OSBPL9: variants seen among roughly 807,000 people sequenced by gnomAD.
OSBPL9 encodes oxysterol-binding protein-related protein 9.
In OSBPL9, 40 loss-of-function variants were observed where a neutral mutation model predicts 106.6. That is an observed-to-expected ratio of 0.38 (90% CI 0.29 to 0.49). OSBPL9 has a LOEUF of 0.49. Among genes scored for constraint, OSBPL9 ranks in the 20% least tolerant of loss-of-function variants. The pLI is 0.97. For synonymous variants in OSBPL9, 269 were observed against 295.4 expected, an observed-to-expected ratio of 0.91 and a Z score of 0.92; for missense variants, 609 against 887.2, an observed-to-expected ratio of 0.69 and a Z score of 3.98.
intron 4 of OSBPL9, among the ~76,000 whole-genome samples, chr1:51,727,240 A>G (rs986270887): frequency 1.3e-5 from 2 of 152,028 alleles, no homozygotes; most frequent in Non-Finnish European, 2.9e-5. Flanking sequence ...ATTAAAGGAA[A>G]ATTTAAAAGA....
At chr1:51,685,586 C>T (rs548155445) in intron 3 of OSBPL9, among the ~76,000 whole-genome samples, 3 of 152,166 alleles carry the variant, frequency 2.0e-5, no homozygotes, top group South Asian at 2.1e-4. Flanking sequence ...TTTGTAGAGA[C>T]GAGGTTTTGC....
the OSBPL9 span, among the ~76,000 whole-genome samples, chr1:51,540,991 C>T: frequency 2.0e-5 from 3 of 149,892 alleles, no homozygotes; most frequent in Non-Finnish European, 4.4e-5. Context: ...ATTACTCAGG[C>T]ATGGTGGCGC....
intron 4 of OSBPL9, among the ~76,000 whole-genome samples, chr1:51,740,827 T>C (rs1000056451): frequency 1.3e-5 from 2 of 152,196 alleles, no homozygotes; most frequent in African/African-American, 4.8e-5. Context: ...ACTCAAGAAC[T>C]TCACCTTTAT....
chr1:51,553,460 G>C, the OSBPL9 span, among the ~76,000 whole-genome samples: 1 of 152,026 alleles, frequency 6.6e-6, no homozygotes, highest in African/African-American at 2.4e-5. Context: ...TCTGTAGTGA[G>C]CTGTATTCTC....
At chr1:51,656,417 A>T (rs374187046) in intron 2 of OSBPL9, among the ~76,000 whole-genome samples, 37 of 152,102 alleles carry the variant, frequency 2.4e-4, no homozygotes, top group African/African-American at 8.7e-4. Flanking sequence ...TTTGAATCAC[A>T]CTATGTTTCT....
At chr1:51,747,119 G>A (rs1668148638) in intron 6 of OSBPL9, among the ~76,000 whole-genome samples, 1 of 152,074 alleles carries the variant, frequency 6.6e-6, no homozygotes, top group African/African-American at 2.4e-5. Context: ...ACAGGCATGT[G>A]CCACACCTGG....
At chr1:51,642,087 A>G (rs1645836932) in intron 1 of OSBPL9, among the ~76,000 whole-genome samples, 1 of 152,110 alleles carries the variant, frequency 6.6e-6, no homozygotes, top group Non-Finnish European at 1.5e-5. Flanking sequence ...TGTGAAGTTT[A>G]ATTTGTCTTT....
chr1:51,704,929 A>G (rs938022120), intron 3 of OSBPL9, among the ~76,000 whole-genome samples: 2 of 151,978 alleles, frequency 1.3e-5, no homozygotes, highest in Admixed American at 6.5e-5. Flanking sequence ...GAGTGTTGCT[A>G]CCTCCTTAAT....
At chr1:51,762,560 A>G (rs996556131) in intron 11 of OSBPL9, among the ~76,000 whole-genome samples, 5 of 152,234 alleles carry the variant, frequency 3.3e-5, no homozygotes, top group African/African-American at 1.2e-4. Context: ...AATTTACTCC[A>G]GCTAGACTTG....
At chr1:51,739,349 A>G (rs1355264977) in intron 4 of OSBPL9, among the ~76,000 whole-genome samples, 1 of 151,990 alleles carries the variant, frequency 6.6e-6, no homozygotes, top group Non-Finnish European at 1.5e-5. Flanking sequence ...GAAAGCTTGT[A>G]AAGTGTCTAG....
chr1:51,694,104 T>C (rs1655544465), intron 3 of OSBPL9, among the ~76,000 whole-genome samples: 2 of 152,228 alleles, frequency 1.3e-5, no homozygotes, highest in African/African-American at 2.4e-5. Context: ...TTTAATGTTA[T>C]TTAAGGACTT....
chr1:51,572,394 T>C (rs898585293), upstream of OSBPL9, among the ~76,000 whole-genome samples: 4 of 152,104 alleles, frequency 2.6e-5, no homozygotes, highest in Non-Finnish European at 5.9e-5. Flanking sequence ...CCATCTAGTA[T>C]TGAAGCTCAG....
chr1:51,655,072 A>G (rs1268271255), intron 2 of OSBPL9, among the ~76,000 whole-genome samples: 1 of 152,224 alleles, frequency 6.6e-6, no homozygotes, highest in Non-Finnish European at 1.5e-5. Context: ...AATGGTTGAA[A>G]TAATAAATTT....
intron 1 of OSBPL9, among the ~76,000 whole-genome samples, chr1:51,593,442 C>T (rs1645286030): frequency 6.6e-6 from 1 of 152,094 alleles, no homozygotes; most frequent in Non-Finnish European, 1.5e-5. Flanking sequence ...TGGTATATGC[C>T]CCACCTGCTC....
chr1:51,647,938 A>G (rs1570773549), intron 1 of OSBPL9, among the ~76,000 whole-genome samples: 1 of 152,114 alleles, frequency 6.6e-6, no homozygotes, highest in Non-Finnish European at 1.5e-5. Context: ...TGAGTAGAAC[A>G]TATCAGTTCG....
intron 3 of OSBPL9, among the ~76,000 whole-genome samples, chr1:51,671,021 C>T (rs1649741312): frequency 6.6e-6 from 1 of 152,170 alleles, no homozygotes; most frequent in Non-Finnish European, 1.5e-5. Context: ...TTTATGTCCC[C>T]TTTGGCACTC....
At position 51,787,916 on chromosome 1, in the gene OSBPL9, T is replaced by C. The variant is rs1422559678; in HGVS notation, c.*127T>C. 4 of 809,796 alleles carry C rather than the reference T, an allele frequency of 4.9e-6. No individual in the cohort carries two copies. In the African/African-American group the frequency reaches 6.9e-5, roughly 14 times the overall value. The allele number at this position is 809,796 out of a possible 1,614,324, so 50.2% of individuals were successfully genotyped here. On this transcript the variant is annotated 3_prime_UTR_variant, in exon 24 of 24. Coordinates refer to ENST00000428468, the MANE Select transcript of OSBPL9 (RefSeq NM_024586.6). ...ATTACAGTGGTTCCTATCTCAGGGA[T>C]ACTGGACTTTCTGACGCAGATGAAC... is the stretch of plus-strand genomic sequence containing the variant.
In OSBPL9 at chr1:51,789,025, T is replaced by G. The variant is rs561579848; in HGVS notation, c.*1236T>G. Among the ~76,000 whole-genome samples, 10 of 152,318 alleles carry G rather than the reference T, an allele frequency of 6.6e-5. No individual in the cohort carries two copies. The South Asian group carries it at 2.1e-3, about 32-fold the overall frequency. On this transcript the variant is annotated 3_prime_UTR_variant, in exon 24 of 24. Transcript: ENST00000428468. ...GCTGCTGCAGGCTTTCTGGTCTCGC[T>G]TGGCCCATTCTGCTAATTTTCCTTT...
At chr1:51,577,945 C>A (rs1645196115) in intron 1 of OSBPL9, among the ~76,000 whole-genome samples, 1 of 152,118 alleles carries the variant, frequency 6.6e-6, no homozygotes, top group Non-Finnish European at 1.5e-5. Flanking sequence ...TGAGAAAAGC[C>A]CTTTATAACC....
Sources: allele counts gnomAD v4.1 joint callset (sites outside exome capture counted in the v4.1 genomes callset), GRCh38; gene constraint gnomAD v4.1.1; transcripts MANE v1.5; gene names NCBI Gene and HGNC (gene_info 2026-07-23, HGNC 2026-07-21).